CDK19: variants seen among roughly 807,000 people sequenced by gnomAD.
CDK19 encodes cyclin dependent kinase 19, also known as cyclin-dependent kinase 19.
In CDK19, 20 loss-of-function variants were observed where a neutral mutation model predicts 68.3. The ratio of observed to expected loss-of-function variants is 0.29; its 90% CI spans 0.21 to 0.43. The LOEUF is 0.43. Ranked by LOEUF, CDK19 falls within the 20% of genes least tolerant of loss-of-function variation. CDK19 has a pLI of 1.00. For missense variants in CDK19, 339 were observed against 623.5 expected, an observed-to-expected ratio of 0.54 and a Z score of 4.86; for synonymous variants, 221 against 222.8, an observed-to-expected ratio of 0.99 and a Z score of 0.07.
chr6:110,625,017 T>C (rs1328132711), intron 8 of CDK19, among the ~76,000 whole-genome samples: 1 of 152,226 alleles, frequency 6.6e-6, no homozygotes, highest in Non-Finnish European at 1.5e-5. Context: ...CACCCTGGTA[T>C]ATAAGAAGTA....
intron 1 of CDK19, 47 bp downstream of exon 1, chr6:110,814,962 C>T: frequency 6.3e-7 from 1 of 1,594,046 alleles, no homozygotes. Flanking sequence ...AGGTCGCGGG[C>T]AGGGCGAGGA....
intron 1 of CDK19, among the ~76,000 whole-genome samples, chr6:110,800,392 C>T (rs1199895067): frequency 1.3e-5 from 2 of 152,106 alleles, no homozygotes; most frequent in Non-Finnish European, 2.9e-5. Flanking sequence ...AGAGCTGGTA[C>T]CAATCCTACT....
intron 2 of CDK19, among the ~76,000 whole-genome samples, chr6:110,688,006 A>G (rs1772635124): frequency 6.6e-6 from 1 of 152,204 alleles, no homozygotes; most frequent in Non-Finnish European, 1.5e-5. Flanking sequence ...CTCCTCTTTG[A>G]AATGTTCTCC....
At chr6:110,678,482 T>G (rs1198344023) in intron 2 of CDK19, among the ~76,000 whole-genome samples, 1 of 152,190 alleles carries the variant, frequency 6.6e-6, no homozygotes, top group African/African-American at 2.4e-5. Flanking sequence ...TTGCAGTTAT[T>G]CAGGCAAAAA....
intron 2 of CDK19, among the ~76,000 whole-genome samples, chr6:110,705,290 T>A (rs1774364427): frequency 6.6e-6 from 1 of 152,166 alleles, no homozygotes; most frequent in South Asian, 2.1e-4. Context: ...TCCACCTGCC[T>A]CGGCCTCCGT....
At chr6:110,660,449 G>C (rs559209088) in intron 4 of CDK19, among the ~76,000 whole-genome samples, 1 of 152,308 alleles carries the variant, frequency 6.6e-6, no homozygotes, top group Admixed American at 6.5e-5. Flanking sequence ...AGTGTTAACA[G>C]CTCAGTGGAG....
At chr6:110,632,560 A>G (rs961870366) in intron 5 of CDK19, among the ~76,000 whole-genome samples, 10 of 152,112 alleles carry the variant, frequency 6.6e-5, no homozygotes, top group Non-Finnish European at 1.5e-4. Flanking sequence ...GTGAAACACC[A>G]TCTCTACTAA....
intron 4 of CDK19, among the ~76,000 whole-genome samples, chr6:110,667,059 G>C (rs1012824281): frequency 1.3e-5 from 2 of 151,688 alleles, no homozygotes; most frequent in African/African-American, 4.8e-5. Flanking sequence ...AGATCTTAAG[G>C]GAAAGAAAAA....
chr6:110,701,952 C>T (rs959795760), intron 2 of CDK19, among the ~76,000 whole-genome samples: 1 of 151,750 alleles, frequency 6.6e-6, no homozygotes, highest in Non-Finnish European at 1.5e-5. Context: ...ACCAGCTTGG[C>T]TAACACAGTG....
At chr6:110,677,321 T>G (rs1771611235) in intron 2 of CDK19, among the ~76,000 whole-genome samples, 1 of 151,322 alleles carries the variant, frequency 6.6e-6, no homozygotes, top group Admixed American at 6.6e-5. Context: ...CCCAGCACTT[T>G]GGGAGGCCAA....
chr6:110,704,763 A>T (rs1774295045), intron 2 of CDK19, among the ~76,000 whole-genome samples: 1 of 152,038 alleles, frequency 6.6e-6, no homozygotes, highest in African/African-American at 2.4e-5. Flanking sequence ...AGATTCAGGT[A>T]ATCTACACGT....
At chr6:110,745,489 A>C (rs77715985) in intron 2 of CDK19, among the ~76,000 whole-genome samples, 7,209 of 152,174 alleles carry the variant, frequency 0.047, 179 homozygotes, top group Middle Eastern at 0.078. Context: ...TAATAGTATG[A>C]CCCCTTCCTC....
chr6:110,677,721 A>T (rs1477888622), intron 2 of CDK19, among the ~76,000 whole-genome samples: 6 of 152,156 alleles, frequency 3.9e-5, no homozygotes, highest in Non-Finnish European at 8.8e-5. Context: ...TACATGTTTT[A>T]TGACTCTCAG....
At chr6:110,663,388 T>C (rs1447100831) in intron 4 of CDK19, among the ~76,000 whole-genome samples, 1 of 152,222 alleles carries the variant, frequency 6.6e-6, no homozygotes, top group Non-Finnish European at 1.5e-5. Flanking sequence ...ACAGAATGTA[T>C]TTATAAAGCA....
In CDK19 at chr6:110,643,237, C is replaced by A. The variant is rs2114799615; in HGVS notation, c.457-4531G>T. 3 of 1,261,430 alleles carry A rather than the reference C, an allele frequency of 2.4e-6. No homozygotes were observed. The South Asian group carries it at 3.7e-5, about 16-fold the overall frequency. 78.1% of individuals were successfully genotyped at this position (1,261,430 alleles called of 1,614,324 possible). ...AACAATACATTTTCCAGCTAAAAGA[C>A]ACAGGTATTTCCATAGTGGATTAAA... is the stretch of plus-strand genomic sequence containing the variant. On this transcript the variant is annotated intron_variant, in intron 4 of 12. Coordinates refer to ENST00000368911, the MANE Select transcript of CDK19 (RefSeq NM_015076.5).
intron 2 of CDK19, among the ~76,000 whole-genome samples, chr6:110,690,011 GT>G (rs1449918218): frequency 6.6e-6 from 1 of 152,218 alleles, no homozygotes; most frequent in African/African-American, 2.4e-5. Flanking sequence ...CAGAGGCATA[GT>G]TGCAGTGCTG....
intron 5 of CDK19, among the ~76,000 whole-genome samples, chr6:110,637,163 T>C (rs1779834159): frequency 6.6e-6 from 1 of 152,260 alleles, no homozygotes; most frequent in African/African-American, 2.4e-5. Context: ...AACATCAAAG[T>C]ACATATTGCA....
At chr6:110,625,756 T>A (rs1007893153) in intron 8 of CDK19, among the ~76,000 whole-genome samples, 1 of 152,056 alleles carries the variant, frequency 6.6e-6, no homozygotes, top group Non-Finnish European at 1.5e-5. Flanking sequence ...ACCAGCACTG[T>A]CCTTAAGAGA....
At chr6:110,720,578 C>T (rs966157442) in intron 2 of CDK19, among the ~76,000 whole-genome samples, 4 of 152,152 alleles carry the variant, frequency 2.6e-5, no homozygotes, top group African/African-American at 7.2e-5. Flanking sequence ...ATCAGAATTT[C>T]ATTTGGGCCA....
Sources: allele counts gnomAD v4.1 joint callset (sites outside exome capture counted in the v4.1 genomes callset), GRCh38; gene constraint gnomAD v4.1.1; transcripts MANE v1.5; gene names NCBI Gene and HGNC (gene_info 2026-07-23, HGNC 2026-07-21).